HINFP: variants seen among roughly 807,000 people sequenced by gnomAD.
HINFP encodes the protein MBD2 (methyl-CpG-binding protein)-interacting zinc finger protein.
HINFP carries 20 observed loss-of-function variants against 50.1 expected under a neutral mutation model. That is an observed-to-expected ratio of 0.40 (90% confidence interval 0.28 to 0.58). HINFP has a LOEUF of 0.58. Ranked by LOEUF, HINFP falls within the 20% of genes least tolerant of loss-of-function variation. HINFP has a pLI of 0.45. For synonymous variants in HINFP, 247 were observed against 243.7 expected (o/e 1.01, Z -0.13); for missense variants, 505 against 664.1 (o/e 0.76, Z 2.63).
chr11:119,130,145 AAGG>A (rs1265010435), intron 2 of HINFP: 2 of 152,634 alleles, frequency 1.3e-5, no homozygotes, highest in African/African-American at 2.4e-5. Flanking sequence ...GTGGTTTTAC[AAGG>A]AGAAGTGGGA....
Position 119,132,908 on chromosome 11 carries a change from G to A in HINFP, c.920G>A (p.Ser307Asn). The A allele has an allele frequency of 1.2e-6, 2 of 1,614,230 alleles. No homozygotes were observed. The highest frequency in any genetic ancestry group is 1.7e-6 in the Non-Finnish European group (2 of 1,180,050). ...CTCCAGAAGCACCTGGATACCCACAGCGAGGAGCCAGCCTACAGGTGTGAT... is the reference window on the plus strand; with the variant it reads ...CTCCAGAAGCACCTGGATACCCACAACGAGGAGCCAGCCTACAGGTGTGAT... ...IDLQKHLDTHSEEPAYRCDFE... is the reference protein window; with the variant it reads ...IDLQKHLDTHNEEPAYRCDFE... The change falls in exon 8 of 10, where the codon AGC (serine) becomes AAC (asparagine). Residue 307 changes from serine to asparagine, a missense_variant. By Grantham distance (46) the Ser-to-Asn change is conservative. Transcript: ENST00000350777.
intron 1 of HINFP, chr11:119,121,960 C>T (rs1947085611): frequency 6.6e-6 from 1 of 152,352 alleles, no homozygotes; most frequent in Admixed American, 6.5e-5. Context: ...TTAGGGGAGA[C>T]TTCCTTTTCG....
chr11:119,131,719 TA>T lies in HINFP; in HGVS notation c.523+74del. On this transcript the variant is annotated intron_variant, in intron 4 of 9. Coordinates refer to ENST00000350777, the MANE Select transcript of HINFP (RefSeq NM_198971.3). This position sits in a 1 kb window ranked among gnomAD's most constrained non-coding sequence, Gnocchi z 4.2. ...CCTGAAGAGCTGGGACAGAAAGGGATAGGGGTCCTACAGGGGCAAGGTTGAC... is the reference window on the plus strand; with the variant it reads ...CCTGAAGAGCTGGGACAGAAAGGGATGGGGTCCTACAGGGGCAAGGTTGAC... The T allele has an allele frequency of 6.3e-7, 1 of 1,584,944 alleles. No individual in the cohort carries two copies. The highest frequency in any genetic ancestry group is 1.1e-5 in the South Asian group (1 of 90,438).
In HINFP at chr11:119,135,013, TAACA is replaced by T. The variant is rs1947995769; in HGVS notation, c.*518_*521del. On this transcript the variant is annotated 3_prime_UTR_variant, in exon 10 of 10. Transcript: ENST00000350777. ...GATTGGAGGCATTGAGCGTGTTTAT[TAACA>T]AATTGTTTTTGGTAATAAAATAAAT... The T allele has an allele frequency of 6.5e-6, 1 of 153,254 alleles. No homozygotes were observed. The highest frequency in any genetic ancestry group is 2.4e-5 in the African/African-American group (1 of 41,472). 9.5% of individuals were successfully genotyped at this position (153,254 alleles called of 1,614,324 possible). A position where few individuals can be genotyped will look rare whatever the true frequency, so the allele number is the denominator to read the frequency against.
intron 2 of HINFP, among the ~76,000 whole-genome samples, chr11:119,128,866 T>A (rs1405372013): frequency 6.6e-6 from 1 of 150,748 alleles, no homozygotes; most frequent in Non-Finnish European, 1.5e-5. Flanking sequence ...GCCCAGCTAA[T>A]TTTTTTTTGT....
In HINFP at chr11:119,133,163, C is replaced by T. The variant is rs199743668; in HGVS notation, c.1083C>T (p.Thr361=). ...GCTTCACACGGGGCAACAACCTCAC[C>T]GTGCACCTTCGCAAGAAGCACCAGT... The part of the protein sequence containing the change: ...DKCFTRGNNL[T]VHLRKKHQFK... The change falls in exon 9 of 10, where the codon ACC becomes ACT. Residue 361 remains threonine, a synonymous_variant. Transcript: ENST00000350777. 136 of 1,614,104 alleles carry T rather than the reference C, an allele frequency of 8.4e-5. No individual in the cohort carries two copies. Among genetic ancestry groups the T allele is most frequent in the Middle Eastern group, 6.6e-4 (4 of 6,084 alleles).
rs1392635558 is a variant in HINFP, at chr11:119,134,049, T to C, written c.1140-35T>C. ...TCGGCCATTTCTGTATCCCCCTGCC[T>C]GGGTTTGCTGCCCTTTATGCTCCTA... On this transcript the variant is annotated intron_variant, in intron 9 of 9. Transcript: ENST00000350777. The surrounding 1 kb of genome is among the most constrained non-coding windows in gnomAD (Gnocchi z 4.3). 4 of 1,613,662 alleles carry C rather than the reference T, an allele frequency of 2.5e-6. No homozygotes were observed. In the African/African-American group the frequency reaches 5.3e-5, roughly 22 times the overall value.
At chr11:119,130,447 A>G (rs1035731651) in intron 2 of HINFP, 6 of 405,392 alleles carry the variant, frequency 1.5e-5, no homozygotes, top group Non-Finnish European at 2.7e-5. Context: ...GCAGTTTTAT[A>G]TTTATAGATC....
At chr11:119,132,408 C>A in intron 5 of HINFP, 88 bp from the exon 6 acceptor site, 1 of 1,331,774 alleles carries the variant, frequency 7.5e-7, no homozygotes, top group Non-Finnish European at 1.1e-6. Flanking sequence ...TTGGGTGGTT[C>A]CCTTCTGCCT....
At chr11:119,126,858 C>T in intron 1 of HINFP, 77 bp from the exon 2 acceptor site, 1 of 1,351,956 alleles carries the variant, frequency 7.4e-7, no homozygotes, top group East Asian at 2.4e-5. Context: ...TCTAGGCAGG[C>T]TGCCTGCCCA....
chr11:119,130,547 C>G, intron 2 of HINFP, 178 bp from the exon 3 acceptor site: 2 of 599,898 alleles, frequency 3.3e-6, no homozygotes, highest in Non-Finnish European at 5.9e-6. Context: ...GTCCCTCTAA[C>G]TGGCACACAA....
rs776476604 is a variant in HINFP at position 119,129,490 on chromosome 11, C to CTTTTTTTTCTTTTTT, written c.182-1227_182-1226insCTTTTTTTTTTTTTT. On this transcript the variant is annotated intron_variant, in intron 2 of 9. Coordinates refer to ENST00000350777, the MANE Select transcript of HINFP (RefSeq NM_198971.3). Reference sequence around the variant, plus strand: ...TCTGGCAGGAATACATTTTTCTTTTCTTTTTTTTTTTTTTTGTGGGAGTGC... The same window carrying CTTTTTTTTCTTTTTT: ...TCTGGCAGGAATACATTTTTCTTTTCTTTTTTTTCTTTTTTTTTTTTTTTTTTTTTGTGGGAGTGC... 1.3e-3 allele frequency among the ~76,000 whole-genome samples: 159 copies of CTTTTTTTTCTTTTTT among 124,174 alleles called. 2 individuals are homozygous for CTTTTTTTTCTTTTTT. Among genetic ancestry groups the CTTTTTTTTCTTTTTT allele is most frequent in the African/African-American group, 4.7e-3 (153 of 32,616 alleles). 81.5% of individuals were successfully genotyped at this position (124,174 alleles called of 152,430 possible).
In HINFP at chr11:119,131,433, C is replaced by T. The variant is rs1256925923; in HGVS notation, c.412-102C>T. 7.2e-6 allele frequency: 6 copies of T among 832,944 alleles called. No individual in the cohort carries two copies. Among genetic ancestry groups the T allele is most frequent in the Admixed American group, 3.6e-5 (2 of 55,694 alleles). 51.6% of individuals were successfully genotyped at this position (832,944 alleles called of 1,614,324 possible). ...GTGCCTTTCCTCAAAATTTCCCATC[C>T]CCATCAAGTTAATTTGGGAGAGAGC... On this transcript the variant is annotated intron_variant, in intron 3 of 9. Coordinates refer to ENST00000350777, the MANE Select transcript of HINFP (RefSeq NM_198971.3). The surrounding 1 kb of genome is among the most constrained non-coding windows in gnomAD (Gnocchi z 4.2).
chr11:119,128,207 A>C (rs1947529596), intron 2 of HINFP, among the ~76,000 whole-genome samples: 1 of 152,152 alleles, frequency 6.6e-6, no homozygotes, highest in Non-Finnish European at 1.5e-5. Context: ...GCCTTTTATC[A>C]ATAGCAAATA....
chr11:119,130,392 T>C (rs1338616452), intron 2 of HINFP: 1 of 311,184 alleles, frequency 3.2e-6, no homozygotes, highest in Non-Finnish European at 6.1e-6. Context: ...TTAATGCTTT[T>C]ATAGCACCAT....
rs1036685232 is a variant in HINFP at position 119,135,591 on chromosome 11, G to A, written c.*1093G>A. ...CTCCCAAAATAAGAATCATCATTTC[G>A]TCTGGTTCAGCTGCTTCTCAGCACC... On this transcript the variant is annotated 3_prime_UTR_variant, in exon 10 of 10. Transcript: ENST00000350777. The A allele has an allele frequency of 2.6e-5, 4 of 152,146 alleles. No homozygotes were observed. The highest frequency in any genetic ancestry group is 2.1e-4 in the South Asian group (1 of 4,830). The allele number at this position is 152,146 out of a possible 1,614,324, so 9.4% of individuals were successfully genotyped here.
intron 2 of HINFP, chr11:119,127,591 T>TGGAGTCCA (rs1248400957): frequency 6.5e-6 from 1 of 153,094 alleles, no homozygotes; most frequent in African/African-American, 2.4e-5. Flanking sequence ...TCACCCAGGT[T>TGGAGTCCA]GGAGTCCAGT....
intron 1 of HINFP, chr11:119,124,884 A>G (rs1474424344): frequency 3.3e-5 from 5 of 151,940 alleles, no homozygotes; most frequent in African/African-American, 1.2e-4. Flanking sequence ...AGGCAGGAGA[A>G]TCTCTTGAAC....
At chr11:119,132,631 A>G in intron 6 of HINFP, 30 bp from the exon 7 acceptor site, 2 of 1,614,024 alleles carry the variant, frequency 1.2e-6, no homozygotes, top group Non-Finnish European at 1.7e-6. Flanking sequence ...ACAAGTTCTC[A>G]CATCACAGCC....
Sources: gnomAD v4.1 joint callset for allele counts (sites outside exome capture counted in the v4.1 genomes callset) on GRCh38, gnomAD v4.1.1 for gene constraint, Gnocchi (gnomAD v3.1) non-coding constraint, MANE v1.5 for transcripts, NCBI Gene and HGNC (gene_info 2026-07-23, HGNC 2026-07-21) for gene names.